GRIA1: variants seen among roughly 807,000 people sequenced by gnomAD.
GRIA1 encodes the protein glutamate ionotropic receptor AMPA type subunit 1.
Under a neutral mutation model 99.2 loss-of-function variants are expected in GRIA1, and 31 were observed. The ratio of observed to expected loss-of-function variants is 0.31; its 90% CI spans 0.23 to 0.42. The LOEUF (loss-of-function observed/expected upper bound fraction) is 0.42, where lower values mean the gene tolerates loss of function less well. GRIA1 is among the 10% of genes least tolerant of loss of function. GRIA1 has a pLI of 1.00. For synonymous variants in GRIA1, 438 were observed against 432.4 expected, an observed-to-expected ratio of 1.01 and a Z score of -0.16; for missense variants, 782 against 1,157.5, an observed-to-expected ratio of 0.68 and a Z score of 4.71.
At chr5:153,782,517 C>A (rs563467262) in intron 13 of GRIA1, among the ~76,000 whole-genome samples, 23 of 152,162 alleles carry the variant, frequency 1.5e-4, no homozygotes, top group Admixed American at 7.2e-4. Context: ...ATAAACTATA[C>A]AACTTTTTTA....
intron 2 of GRIA1, among the ~76,000 whole-genome samples, chr5:153,563,593 C>A (rs1361352161): frequency 6.6e-6 from 1 of 152,210 alleles, no homozygotes; most frequent in Admixed American, 6.5e-5. Flanking sequence ...TCTGCTGCTT[C>A]CACCTCCCAC....
chr5:153,586,797 G>C (rs1763523889), intron 2 of GRIA1, among the ~76,000 whole-genome samples: 1 of 152,176 alleles, frequency 6.6e-6, no homozygotes, highest in Non-Finnish European at 1.5e-5. Context: ...ATAAGGAAGA[G>C]AAATCAGGCT....
At chr5:153,727,416 T>C (rs1451806890) in intron 11 of GRIA1, among the ~76,000 whole-genome samples, 1 of 152,040 alleles carries the variant, frequency 6.6e-6, no homozygotes, top group African/African-American at 2.4e-5. Flanking sequence ...AAATAAAGAG[T>C]ATTCAATTAG....
intron 13 of GRIA1, among the ~76,000 whole-genome samples, chr5:153,793,566 C>T (rs1199924018): frequency 6.6e-6 from 1 of 152,216 alleles, no homozygotes; most frequent in Non-Finnish European, 1.5e-5. Flanking sequence ...GTGGCAAACT[C>T]AGCCAACAAA....
At chr5:153,772,122 G>C (rs1009665478) in intron 13 of GRIA1, among the ~76,000 whole-genome samples, 1 of 152,128 alleles carries the variant, frequency 6.6e-6, no homozygotes, top group African/African-American at 2.4e-5. Context: ...ATAATAAATA[G>C]ATAAAAATCA....
chr5:153,790,283 T>C (rs1457496036), intron 13 of GRIA1, among the ~76,000 whole-genome samples: 2 of 152,244 alleles, frequency 1.3e-5, no homozygotes, highest in Non-Finnish European at 2.9e-5. Flanking sequence ...CATTCTGTTT[T>C]AATTTTTTCG....
At chr5:153,786,282 T>C (rs1007548928) in intron 13 of GRIA1, among the ~76,000 whole-genome samples, 7 of 151,912 alleles carry the variant, frequency 4.6e-5, no homozygotes, top group African/African-American at 9.7e-5. Context: ...TAACCTCATC[T>C]CCCCGAAGGT....
intron 2 of GRIA1, among the ~76,000 whole-genome samples, chr5:153,590,232 T>A (rs1195339778): frequency 6.6e-6 from 1 of 152,092 alleles, no homozygotes; most frequent in Non-Finnish European, 1.5e-5. Context: ...TTCGAAAAAA[T>A]TGCATTAGTA....
intron 2 of GRIA1, among the ~76,000 whole-genome samples, chr5:153,582,417 T>C (rs894245110): frequency 6.6e-6 from 1 of 152,186 alleles, no homozygotes; most frequent in East Asian, 1.9e-4. Context: ...GTACTTCAAA[T>C]AGATATTTGA....
intron 2 of GRIA1, among the ~76,000 whole-genome samples, chr5:153,640,348 A>G (rs1024438355): frequency 2.0e-5 from 3 of 152,238 alleles, no homozygotes; most frequent in African/African-American, 7.2e-5. Context: ...GTGAGTCTCA[A>G]ATGAATCCAA....
At chr5:153,500,031 C>G (rs956296764) in intron 2 of GRIA1, among the ~76,000 whole-genome samples, 9 of 152,236 alleles carry the variant, frequency 5.9e-5, no homozygotes, top group African/African-American at 2.2e-4. Context: ...GCTCCTCAAT[C>G]TTCACCCGTG....
intron 2 of GRIA1, among the ~76,000 whole-genome samples, chr5:153,625,861 G>A (rs1320970825): frequency 6.6e-6 from 1 of 152,184 alleles, no homozygotes; most frequent in East Asian, 1.9e-4. Flanking sequence ...CTGGTTATCT[G>A]ATTCTGTATA....
chr5:153,567,947 G>T (rs1015892399), intron 2 of GRIA1, among the ~76,000 whole-genome samples: 1 of 152,146 alleles, frequency 6.6e-6, no homozygotes, highest in East Asian at 1.9e-4. Flanking sequence ...CAGTAAGTCA[G>T]GGATAAATGG....
At chr5:153,767,602 G>T (rs942370942) in intron 12 of GRIA1, among the ~76,000 whole-genome samples, 1 of 152,130 alleles carries the variant, frequency 6.6e-6, no homozygotes, top group Non-Finnish European at 1.5e-5. Flanking sequence ...TGGGTGGGGA[G>T]ATAAGGTTAC....
Position 153,776,310 on chromosome 5 carries a change from T to C in GRIA1, c.2270+5895T>C, listed in dbSNP as rs990264359. Among the ~76,000 whole-genome samples the C allele has an allele frequency of 6.6e-5, 10 of 152,272 alleles. 1 individual carries two copies. Among genetic ancestry groups the C allele is most frequent in the African/African-American group, 2.4e-4 (10 of 41,558 alleles). ...AAAGCTGGGAGGTTTGGAAAAGAAG[T>C]CTGTTACGTAAGCTTTCTGGGGCTT... is the stretch of plus-strand genomic sequence containing the variant. On this transcript the variant is annotated intron_variant, in intron 13 of 15. Coordinates refer to ENST00000285900, the MANE Select transcript of GRIA1 (RefSeq NM_000827.4).
At chr5:153,711,035 C>T (rs966954516) in intron 11 of GRIA1, among the ~76,000 whole-genome samples, 4 of 152,138 alleles carry the variant, frequency 2.6e-5, no homozygotes, top group African/African-American at 9.7e-5. Flanking sequence ...GTTTACTGCT[C>T]TCAAGGACTG....
intron 2 of GRIA1, among the ~76,000 whole-genome samples, chr5:153,638,760 T>C (rs1753572916): frequency 6.6e-6 from 1 of 152,200 alleles, no homozygotes; most frequent in African/African-American, 2.4e-5. Context: ...TAATAAAGCA[T>C]GGGTGTTAGA....
At chr5:153,695,232 T>G (rs971819854) in intron 8 of GRIA1, among the ~76,000 whole-genome samples, 2 of 152,056 alleles carry the variant, frequency 1.3e-5, no homozygotes, top group Non-Finnish European at 2.9e-5. Context: ...ACTATCTGCA[T>G]AGTGTAAAGA....
chr5:153,563,473 G>A (rs1420014955), intron 2 of GRIA1, among the ~76,000 whole-genome samples: 1 of 152,102 alleles, frequency 6.6e-6, no homozygotes, highest in Non-Finnish European at 1.5e-5. Flanking sequence ...CCTCAAAGAG[G>A]GTAAAGGATG....
Sources: allele counts gnomAD v4.1 joint callset (sites outside exome capture counted in the v4.1 genomes callset), GRCh38; gene constraint gnomAD v4.1.1; transcripts MANE v1.5; gene names NCBI Gene and HGNC (gene_info 2026-07-23, HGNC 2026-07-21).